The following FSTL4 variants were observed in gnomAD, a reference collection of about 807,000 sequenced individuals.
The protein encoded by FSTL4 is follistatin like 4.
FSTL4 carries 28 observed loss-of-function variants against 78.2 expected under a neutral mutation model. The observed-to-expected ratio is 0.36, with a 90% CI of 0.27 to 0.49. FSTL4 has a LOEUF of 0.49. Ranked by LOEUF, FSTL4 falls within the 20% of genes least tolerant of loss-of-function variation. The pLI is 0.98. For synonymous variants in FSTL4, 422 were observed against 440.5 expected, an observed-to-expected ratio of 0.96 and a Z score of 0.53; for missense variants, 922 against 1,084.9, an observed-to-expected ratio of 0.85 and a Z score of 2.11.
intron 3 of FSTL4, among the ~76,000 whole-genome samples, chr5:133,430,526 A>G (rs1182767272): frequency 4.6e-5 from 7 of 152,212 alleles, no homozygotes; most frequent in Non-Finnish European, 2.9e-5. Flanking sequence ...TTGGTCACAG[A>G]TGCACCCATG....
At chr5:133,304,228 G>T (rs1753610006) in intron 6 of FSTL4, among the ~76,000 whole-genome samples, 2 of 152,282 alleles carry the variant, frequency 1.3e-5, no homozygotes, top group South Asian at 2.1e-4. Flanking sequence ...CATTTAAATT[G>T]TTCTCATTTT....
chr5:133,756,857 G>A, the FSTL4 span, among the ~76,000 whole-genome samples: 5 of 152,138 alleles, frequency 3.3e-5, no homozygotes, highest in South Asian at 1.0e-3. Context: ...CTCTGGCATG[G>A]ATAATGCCTC....
At chr5:133,467,679 CA>C (rs1174418054) in intron 3 of FSTL4, among the ~76,000 whole-genome samples, 1 of 152,044 alleles carries the variant, frequency 6.6e-6, no homozygotes, top group Non-Finnish European at 1.5e-5. Context: ...GAGAGAAGGG[CA>C]GGAGTTCCCT....
At chr5:133,526,960 GCAACTGGCAGCAAGCTGCCA>G (rs1244999634) in intron 3 of FSTL4, among the ~76,000 whole-genome samples, 1 of 152,070 alleles carries the variant, frequency 6.6e-6, no homozygotes, top group East Asian at 1.9e-4. Flanking sequence ...CAACAGAGCG[GCAACTGGCAGCAAGCTGCCA>G]GTTGTGTAAG....
At chr5:133,374,027 G>T (rs1158967456) in intron 4 of FSTL4, among the ~76,000 whole-genome samples, 1 of 152,164 alleles carries the variant, frequency 6.6e-6, no homozygotes, top group Non-Finnish European at 1.5e-5. Flanking sequence ...GACCTGAAAT[G>T]AAGTCCCTTG....
chr5:133,334,773 G>A (rs1369856772), intron 4 of FSTL4, among the ~76,000 whole-genome samples: 4 of 152,166 alleles, frequency 2.6e-5, no homozygotes, highest in Non-Finnish European at 4.4e-5. Context: ...GAGGGTCACT[G>A]ATATGGAAGT....
chr5:133,513,184 T>C (rs1381276296), intron 3 of FSTL4, among the ~76,000 whole-genome samples: 6 of 152,178 alleles, frequency 3.9e-5, no homozygotes, highest in Admixed American at 3.3e-4. Context: ...CTAATCCTCT[T>C]CTGTAACAGG....
chr5:133,310,045 C>T (rs1753743867), intron 6 of FSTL4, among the ~76,000 whole-genome samples: 1 of 152,166 alleles, frequency 6.6e-6, no homozygotes, highest in Non-Finnish European at 1.5e-5. Flanking sequence ...TTAAAATTCG[C>T]TGAACCATAA....
the FSTL4 span, among the ~76,000 whole-genome samples, chr5:133,718,754 C>T: frequency 6.6e-6 from 1 of 152,154 alleles, no homozygotes; most frequent in Admixed American, 6.5e-5. Context: ...TGTGACAGCC[C>T]TAACGGCCAC....
chr5:133,395,118 T>C (rs1755977125), intron 4 of FSTL4, among the ~76,000 whole-genome samples: 1 of 152,108 alleles, frequency 6.6e-6, no homozygotes, highest in African/African-American at 2.4e-5. Flanking sequence ...CAGCAGGACG[T>C]GGGTGGGGCC....
chr5:133,209,018 T>G (rs906826040), intron 14 of FSTL4, among the ~76,000 whole-genome samples: 2 of 152,202 alleles, frequency 1.3e-5, no homozygotes, highest in African/African-American at 4.8e-5. Context: ...TTTTTTGTTC[T>G]TTTTCTAGTG....
At chr5:133,669,370 T>C in the FSTL4 span, among the ~76,000 whole-genome samples, 2 of 152,188 alleles carry the variant, frequency 1.3e-5, no homozygotes, top group Non-Finnish European at 2.9e-5. Context: ...GGGCTCATCC[T>C]CCCTGAGCAC....
At chr5:133,837,672 TG>T in the FSTL4 span, among the ~76,000 whole-genome samples, 5 of 152,210 alleles carry the variant, frequency 3.3e-5, no homozygotes, top group Admixed American at 6.5e-5. Flanking sequence ...AACTCAAAGT[TG>T]GGGAGGTGTT....
At chr5:133,503,629 C>G in intron 3 of FSTL4, among the ~76,000 whole-genome samples, 1 of 152,194 alleles carries the variant, frequency 6.6e-6, no homozygotes, top group East Asian at 1.9e-4. Context: ...CCTTCTTGCC[C>G]CAGACAATTT....
chr5:133,496,337 T>C lies in FSTL4; in HGVS notation c.160+70849A>G, dbSNP rs376628940. 5.9e-5 allele frequency among the ~76,000 whole-genome samples: 9 copies of C among 152,298 alleles called. No homozygotes were observed. In the East Asian group the frequency reaches 1.4e-3, roughly 23 times the overall value. ...GATGTTAACTTGGAAGAGAAGAAAC[T>C]GCCCAATTCCGTGGTCTGACACTCA... On this transcript the variant is annotated intron_variant, in intron 3 of 15. Transcript: ENST00000265342.
the FSTL4 span, among the ~76,000 whole-genome samples, chr5:133,665,110 T>G: frequency 6.6e-6 from 1 of 152,328 alleles, no homozygotes; most frequent in African/African-American, 2.4e-5. Flanking sequence ...CTGAAGCATA[T>G]GCCTTCTTGG....
At chr5:133,565,310 TAAC>T (rs1345478056) in intron 3 of FSTL4, among the ~76,000 whole-genome samples, 1 of 152,174 alleles carries the variant, frequency 6.6e-6, no homozygotes, top group Non-Finnish European at 1.5e-5. Context: ...TGGAGAAGAT[TAAC>T]AACCCCACAA....
intron 6 of FSTL4, among the ~76,000 whole-genome samples, chr5:133,299,488 G>T (rs1753482513): frequency 6.6e-6 from 1 of 152,206 alleles, no homozygotes; most frequent in South Asian, 2.1e-4. Flanking sequence ...TGGGAGGCAG[G>T]GAGGCTGTGG....
chr5:133,795,303 G>A, the FSTL4 span, among the ~76,000 whole-genome samples: 7 of 152,218 alleles, frequency 4.6e-5, no homozygotes, highest in East Asian at 1.9e-4. Flanking sequence ...GAGCAAATGC[G>A]CCTGCGCCCT....
Sources: gnomAD v4.1 joint callset for allele counts (sites outside exome capture counted in the v4.1 genomes callset) on GRCh38, gnomAD v4.1.1 for gene constraint, MANE v1.5 for transcripts, NCBI Gene and HGNC (gene_info 2026-07-23, HGNC 2026-07-21) for gene names.